CEP162: variants seen among roughly 807,000 people sequenced by gnomAD.
The protein encoded by CEP162 is centrosomal protein of 162 kDa.
Under a neutral mutation model 169.2 loss-of-function variants are expected in CEP162, and 141 were observed. The ratio of observed to expected loss-of-function variants is 0.83; its 90% CI spans 0.73 to 0.96. The LOEUF (loss-of-function observed/expected upper bound fraction) is 0.96. Among genes scored for constraint, CEP162 ranks in the 40% least tolerant of loss-of-function variants. The pLI, the probability that CEP162 is intolerant of heterozygous loss-of-function variation, is 0.00. For synonymous variants in CEP162, 540 were observed against 526.4 expected, an observed-to-expected ratio of 1.03 and a Z score of -0.35; for missense variants, 1,600 against 1,587.2, an observed-to-expected ratio of 1.01 and a Z score of -0.14.
At chr6:84,160,381 T>C (rs979973995) in intron 21 of CEP162, among the ~76,000 whole-genome samples, 4 of 152,178 alleles carry the variant, frequency 2.6e-5, no homozygotes, top group African/African-American at 9.7e-5. Flanking sequence ...GCCAGCTCTT[T>C]GGGAAGCTGA....
At position 84,175,389 on chromosome 6, in the gene CEP162, A is replaced by G. The variant is rs1227720908; in HGVS notation, c.1664-42T>C. 2.2e-6 allele frequency: 3 copies of G among 1,377,910 alleles called. No individual in the cohort carries two copies. In the African/African-American group the frequency reaches 4.4e-5, roughly 20 times the overall value. 85.4% of individuals were successfully genotyped at this position (1,377,910 alleles called of 1,614,324 possible). On this transcript the variant is annotated intron_variant, in intron 13 of 26. Transcript: ENST00000403245. Reference sequence around the variant, plus strand: ...ATGTATAAATGCACCACAAATGTAAAGTTAAATGTATACTCATCAATTGTG... The same window carrying G: ...ATGTATAAATGCACCACAAATGTAAGGTTAAATGTATACTCATCAATTGTG...
Position 84,225,257 on chromosome 6 carries a change from A to G in CEP162, c.57+1080T>C, listed in dbSNP as rs567424455. On this transcript the variant is annotated intron_variant, in intron 2 of 26. Transcript: ENST00000403245. ...TATTTACACAAACCTAGATGGCTCC[A>G]TGGTATAGCCTACTCCACACCTAGG... is the stretch of plus-strand genomic sequence containing the variant. Among the ~76,000 whole-genome samples, 4 of 152,328 alleles carry G rather than the reference A, an allele frequency of 2.6e-5. No homozygotes were observed. In the East Asian group the frequency reaches 5.8e-4, roughly 22 times the overall value.
Position 84,127,871 on chromosome 6 carries a change from A to C in CEP162, c.3871-1359T>G, listed in dbSNP as rs560899680. 2.6e-5 allele frequency among the ~76,000 whole-genome samples: 4 copies of C among 152,314 alleles called. No individual in the cohort carries two copies. In the East Asian group the frequency reaches 7.7e-4, roughly 29 times the overall value. ...AGTGAGAACACCTGACTGGAAGAGA[A>C]GAAGGGCCACAGAGAATTCCTAAGG... On this transcript the variant is annotated intron_variant, in intron 25 of 26. Transcript: ENST00000403245.
At chr6:84,153,867 C>G (rs192347515) in intron 22 of CEP162, among the ~76,000 whole-genome samples, 262 of 152,212 alleles carry the variant, frequency 1.7e-3, no homozygotes, top group Middle Eastern at 6.8e-3. Flanking sequence ...CAACGTCCCA[C>G]AAGTAAAATA....
chr6:84,143,592 CA>C (rs1035680174), intron 25 of CEP162, among the ~76,000 whole-genome samples: 2 of 151,132 alleles, frequency 1.3e-5, no homozygotes, highest in Admixed American at 1.3e-4. Context: ...GAACGAAGAA[CA>C]AAAAAATGAA....
At chr6:84,179,054 C>T (rs2099533624) in intron 13 of CEP162, among the ~76,000 whole-genome samples, 1 of 152,158 alleles carries the variant, frequency 6.6e-6, no homozygotes. Flanking sequence ...TTAATCCAGT[C>T]TATCATTGAT....
At chr6:84,178,580 G>A (rs2099533352) in intron 13 of CEP162, among the ~76,000 whole-genome samples, 1 of 152,160 alleles carries the variant, frequency 6.6e-6, no homozygotes, top group Admixed American at 6.5e-5. Context: ...CATCCCTAGG[G>A]GATGTAGTAA....
At chr6:84,201,873 C>T (rs2127733507) in intron 7 of CEP162, 106 bp from the exon 8 acceptor site, 2 of 594,690 alleles carry the variant, frequency 3.4e-6, no homozygotes, top group Non-Finnish European at 6.0e-6. Flanking sequence ...TTTTATTCCA[C>T]ATTGAAACGA....
At chr6:84,189,131 A>C (rs886173431) in intron 11 of CEP162, among the ~76,000 whole-genome samples, 1 of 151,990 alleles carries the variant, frequency 6.6e-6, no homozygotes, top group Non-Finnish European at 1.5e-5. Context: ...GGCTCACTGA[A>C]ACCTCTGCCT....
In CEP162 at chr6:84,163,179, C is replaced by G; in HGVS notation, c.2477G>C (p.Arg826Thr). ...AGCAATCTGATCTTTGGCTTGGTCC[C>G]TCTCTTTCTTCATTTTTTCGAAGTC... is the stretch of plus-strand genomic sequence containing the variant. The part of the protein sequence containing the change: ...EVDFEKMKKE[R>T]DQAKDQIAYV... The change falls in exon 19 of 27, where the codon AGG (arginine) becomes ACG (threonine). Residue 826 changes from arginine (R) to threonine (T), a missense_variant. Physicochemically the swap from Arg to Thr is moderately conservative, Grantham distance 71. Transcript: ENST00000403245. 2 of 1,613,320 alleles carry G rather than the reference C, an allele frequency of 1.2e-6. No individual in the cohort carries two copies. Among genetic ancestry groups the G allele is most frequent in the African/African-American group, 2.7e-5 (2 of 74,982 alleles).
chr6:84,142,870 GCC>G (rs535296131), intron 25 of CEP162, among the ~76,000 whole-genome samples: 3,665 of 152,124 alleles, frequency 0.024, 136 homozygotes, highest in African/African-American at 0.084. Flanking sequence ...TGTGCTGCTT[GCC>G]TAACCTGCAT....
chr6:84,192,376 A>G (rs1184450008), intron 11 of CEP162, among the ~76,000 whole-genome samples: 1 of 152,234 alleles, frequency 6.6e-6, no homozygotes, highest in Non-Finnish European at 1.5e-5. Context: ...CAACAAAGAT[A>G]TAAGATGTGT....
intron 25 of CEP162, among the ~76,000 whole-genome samples, chr6:84,140,554 G>T (rs2099516143): frequency 6.6e-6 from 1 of 152,094 alleles, no homozygotes; most frequent in Non-Finnish European, 1.5e-5. Flanking sequence ...TAGAGACAGG[G>T]TCTTGCTCTG....
At chr6:84,126,125 A>C (rs1368698836) in intron 26 of CEP162, among the ~76,000 whole-genome samples, 1 of 152,104 alleles carries the variant, frequency 6.6e-6, no homozygotes, top group African/African-American at 2.4e-5. Flanking sequence ...GTTTTTAGGA[A>C]TCCATCAATA....
intron 25 of CEP162, among the ~76,000 whole-genome samples, chr6:84,133,870 T>C (rs1031917040): frequency 6.6e-6 from 1 of 152,136 alleles, no homozygotes; most frequent in Admixed American, 6.5e-5. Flanking sequence ...GTACCCACTG[T>C]CCAACAAGCC....
chr6:84,182,231 A>C (rs758950085), intron 13 of CEP162, among the ~76,000 whole-genome samples: 7 of 152,088 alleles, frequency 4.6e-5, no homozygotes, highest in Non-Finnish European at 7.4e-5. Context: ...CACCCAGCAT[A>C]ACAACAGTTG....
chr6:84,218,619 A>T (rs2127753581), intron 3 of CEP162, among the ~76,000 whole-genome samples: 1 of 152,372 alleles, frequency 6.6e-6, no homozygotes, highest in South Asian at 2.1e-4. Flanking sequence ...TATGAAGATT[A>T]GAAAAAATAT....
intron 2 of CEP162, among the ~76,000 whole-genome samples, chr6:84,223,405 A>G (rs2127759048): frequency 6.6e-6 from 1 of 152,090 alleles, no homozygotes; most frequent in East Asian, 1.9e-4. Flanking sequence ...AGGCTGACGC[A>G]GGAGAATCAC....
At chr6:84,223,910 A>G (rs1313361870) in intron 2 of CEP162, among the ~76,000 whole-genome samples, 5 of 150,398 alleles carry the variant, frequency 3.3e-5, no homozygotes, top group Non-Finnish European at 5.9e-5. Context: ...AGTCTCAAGA[A>G]AAAAAAAAAA....
Sources: gnomAD v4.1 joint callset for allele counts (sites outside exome capture counted in the v4.1 genomes callset) on GRCh38, gnomAD v4.1.1 for gene constraint, MANE v1.5 for transcripts, NCBI Gene and HGNC (gene_info 2026-07-23, HGNC 2026-07-21) for gene names.